ZNF547: variants seen among roughly 807,000 people sequenced by gnomAD.
ZNF547 encodes zinc finger protein 547.
Under a neutral mutation model 7.7 loss-of-function variants are expected in ZNF547, and 4 were observed. The observed-to-expected ratio is 0.52, with a 90% CI of 0.26 to 1.20. The LOEUF is 1.20. Ranked by LOEUF, ZNF547 falls within the 50% of genes most tolerant of loss-of-function variation. The pLI is 0.14. For missense variants in ZNF547, 449 were observed against 485.8 expected (o/e 0.92, Z 0.71); for synonymous variants, 166 against 166.2 (o/e 1.00, Z 0.01).
At chr19:57,371,143 G>T (rs1049032983) in intron 2 of ZNF547, 1 of 152,312 alleles carries the variant, frequency 6.6e-6, no homozygotes, top group Non-Finnish European at 1.5e-5. Flanking sequence ...GTAGAGATGG[G>T]ATTTCACTGT....
At chr19:57,371,254 C>T (rs1025023246) in intron 2 of ZNF547, among the ~76,000 whole-genome samples, 3 of 152,264 alleles carry the variant, frequency 2.0e-5, no homozygotes, top group African/African-American at 7.2e-5. Context: ...GCCTGGCCCC[C>T]ATGGAGTTTT....
At chr19:57,376,658 G>A (rs2088537911) in intron 3 of ZNF547, among the ~76,000 whole-genome samples, 1 of 152,166 alleles carries the variant, frequency 6.6e-6, no homozygotes. Context: ...GTGCTGGGGT[G>A]ATTACCCTTA....
In ZNF547 at chr19:57,377,354, G is replaced by A. The variant is rs761891228; in HGVS notation, c.378G>A (p.Lys126=). ...TCPAHLHQHQ[K]EQIREKLSRG... ...CAGCACATCTTCACCAGCACCAAAA[G>A]GAGCAGATTAGAGAGAAACTTTCTA... Residue 126 remains lysine (K), a synonymous_variant, in exon 4 of 4, where the codon AAG becomes AAA. Transcript: ENST00000282282. 7.4e-6 allele frequency: 12 copies of A among 1,614,226 alleles called. No homozygotes were observed. In the South Asian group the frequency reaches 1.3e-4, roughly 18 times the overall value.
chr19:57,364,644 G>A, intron 1 of ZNF547: 1 of 610,368 alleles, frequency 1.6e-6, no homozygotes, highest in East Asian at 2.7e-5. Flanking sequence ...GGGAGGCTGA[G>A]GCAGGAGAAT....
intron 1 of ZNF547, chr19:57,365,464 ATG>A: frequency 1.9e-6 from 1 of 514,138 alleles, no homozygotes; most frequent in Non-Finnish European, 3.4e-6. Context: ...CTTGTGAACA[ATG>A]TTATTTATAA....
At chr19:57,369,896 G>GTCCTTTTTTTTT (rs2088493372) in intron 2 of ZNF547, among the ~76,000 whole-genome samples, 1 of 33,860 alleles carries the variant, frequency 3.0e-5, no homozygotes, top group Non-Finnish European at 6.8e-5. Context: ...TTGACTCACA[G>GTCCTTTTTTTTT]TTCTTTTTTT....
In ZNF547 at chr19:57,377,157, G is replaced by A. The variant is rs1169036406; in HGVS notation, c.181G>A (p.Ala61Thr). 1 of 1,613,762 alleles carries A rather than the reference G, an allele frequency of 6.2e-7. No homozygotes were observed. The highest frequency in any genetic ancestry group is 1.3e-5 in the African/African-American group (1 of 74,888). Residue 61 changes from alanine to threonine, a missense_variant, in exon 4 of 4, where the codon GCA (alanine) becomes ACA (threonine). Physicochemically the swap from Ala to Thr is moderately conservative, Grantham distance 58. Transcript: ENST00000282282. ...GCCHGAEDEEAPLEPGVSVGV... is the reference protein window; with the variant it reads ...GCCHGAEDEETPLEPGVSVGV... ...TTGCCATGGAGCTGAGGATGAGGAG[G>A]CACCTTTAGAGCCAGGTGTTTCTGT...
At chr19:57,365,488 TC>T in intron 1 of ZNF547, 1 of 458,436 alleles carries the variant, frequency 2.2e-6, no homozygotes, top group African/African-American at 2.1e-5. Context: ...GAACTCATTA[TC>T]AATAATAATT....
chr19:57,366,724 C>T (rs1425189146), intron 1 of ZNF547, among the ~76,000 whole-genome samples: 1 of 151,972 alleles, frequency 6.6e-6, no homozygotes, highest in Non-Finnish European at 1.5e-5. Context: ...ATAGGTTGAT[C>T]TTATAACAAT....
chr19:57,366,432 A>G (rs916912956), intron 1 of ZNF547, among the ~76,000 whole-genome samples: 13 of 141,418 alleles, frequency 9.2e-5, no homozygotes, highest in African/African-American at 2.7e-4. Flanking sequence ...CTGGTCTTGA[A>G]CTCCTGACCT....
At chr19:57,370,180 C>T (rs1374722974) in intron 2 of ZNF547, among the ~76,000 whole-genome samples, 8 of 152,058 alleles carry the variant, frequency 5.3e-5, no homozygotes, top group Non-Finnish European at 1.0e-4. Context: ...CGTGAGCCAC[C>T]GCACCCAGCC....
intron 3 of ZNF547, among the ~76,000 whole-genome samples, chr19:57,375,013 C>T (rs1411998738): frequency 6.6e-6 from 1 of 152,132 alleles, no homozygotes; most frequent in Non-Finnish European, 1.5e-5. Flanking sequence ...ATTTCACTAC[C>T]TCAGTACCAG....
rs1437493713 is a variant in ZNF547, at chr19:57,377,499, C to G, written c.523C>G (p.Gln175Glu). The change falls in exon 4 of 4, where the codon CAG (glutamine) becomes GAG (glutamate). Residue 175 changes from glutamine (Q) to glutamate (E), a missense_variant. Physicochemically the swap from Gln to Glu is conservative, Grantham distance 29 (BLOSUM62 2). Transcript: ENST00000282282. ...CCACAAACATAAACTTTCTGACCAT[C>G]AGAAAATCCACACTGGAGAAAGAAC... ...FSHKHKLSDH[Q>E]KIHTGERTYK... 2 of 1,614,020 alleles carry G rather than the reference C, an allele frequency of 1.2e-6. No individual in the cohort carries two copies. The highest frequency in any genetic ancestry group is 2.7e-5 in the African/African-American group (2 of 74,900).
chr19:57,366,486 A>G (rs1298668287), intron 1 of ZNF547, among the ~76,000 whole-genome samples: 1 of 151,092 alleles, frequency 6.6e-6, no homozygotes, highest in Non-Finnish European at 1.5e-5. Context: ...CTGGGATTAC[A>G]GGTGTGAGCC....
intron 1 of ZNF547, chr19:57,364,771 G>A: frequency 1.4e-6 from 2 of 1,396,644 alleles, no homozygotes; most frequent in Admixed American, 2.0e-5. Flanking sequence ...GGTCTCTTCC[G>A]CGGAAACTGA....
intron 2 of ZNF547, among the ~76,000 whole-genome samples, chr19:57,370,345 C>A (rs903483116): frequency 6.6e-6 from 1 of 152,140 alleles, no homozygotes; most frequent in Non-Finnish European, 1.5e-5. Context: ...ATGTAGGGAA[C>A]CTTCAACCCA....
intron 1 of ZNF547, chr19:57,364,571 T>A: frequency 1.9e-6 from 1 of 523,402 alleles, no homozygotes; most frequent in East Asian, 3.5e-5. Context: ...TGAAACCCCG[T>A]CTTTAGTAAA....
chr19:57,372,797 C>T (rs2088514702), intron 3 of ZNF547, among the ~76,000 whole-genome samples: 2 of 152,224 alleles, frequency 1.3e-5, no homozygotes, highest in Admixed American at 6.5e-5. Context: ...TGTCAGTAGT[C>T]CCTGAACACC....
At chr19:57,372,417 C>T (rs1041012097) in intron 3 of ZNF547, among the ~76,000 whole-genome samples, 3 of 152,184 alleles carry the variant, frequency 2.0e-5, no homozygotes, top group African/African-American at 7.2e-5. Flanking sequence ...TGTCTTTCCC[C>T]TAGGACTGGT....
Sources: gnomAD v4.1 joint callset for allele counts (sites outside exome capture counted in the v4.1 genomes callset) on GRCh38, gnomAD v4.1.1 for gene constraint, MANE v1.5 for transcripts, NCBI Gene and HGNC (gene_info 2026-07-23, HGNC 2026-07-21) for gene names.